Variants in DLGAP1 observed in about 807,000 individuals in gnomAD.
The protein encoded by DLGAP1 is DLG associated protein 1.
DLGAP1 carries 11 observed loss-of-function variants against 90.8 expected under a neutral mutation model. That is an observed-to-expected ratio of 0.12 (90% CI 0.08 to 0.20). The LOEUF (loss-of-function observed/expected upper bound fraction) is 0.20. DLGAP1 is among the 10% of genes least tolerant of loss of function. The pLI is 1.00. For synonymous variants in DLGAP1, 558 were observed against 540.7 expected, an observed-to-expected ratio of 1.03 and a Z score of -0.44; for missense variants, 1,050 against 1,333.8, an observed-to-expected ratio of 0.79 and a Z score of 3.31.
intron 7 of DLGAP1, among the ~76,000 whole-genome samples, chr18:3,715,697 T>G (rs1321139455): frequency 6.6e-6 from 1 of 152,198 alleles, no homozygotes; most frequent in Non-Finnish European, 1.5e-5. Flanking sequence ...CCATAATTGC[T>G]TGGGGAGTTT....
intron 7 of DLGAP1, among the ~76,000 whole-genome samples, chr18:3,624,711 A>G (rs1256104963): frequency 6.6e-6 from 1 of 152,184 alleles, no homozygotes; most frequent in African/African-American, 2.4e-5. Flanking sequence ...AAGAGGGAAA[A>G]CAGACTGAGC....
At position 3,659,394 on chromosome 18, in the gene DLGAP1, T is replaced by TATATACACACAC. The variant is rs1555618610; in HGVS notation, c.1591+69740_1591+69741insGTGTGTGTATAT. ...GGGTAAGCCGTAACACATACATTTA[T>TATATACACACAC]ACACACACACACACACACACACACA... On this transcript the variant is annotated intron_variant, in intron 7 of 12. Coordinates refer to ENST00000315677, the MANE Select transcript of DLGAP1 (RefSeq NM_004746.4). 7.8e-5 allele frequency among the ~76,000 whole-genome samples: 8 copies of TATATACACACAC among 102,172 alleles called. 1 individual carries two copies. Among genetic ancestry groups the TATATACACACAC allele is most frequent in the East Asian group, 6.1e-4 (2 of 3,258 alleles). The allele number at this position is 102,172 out of a possible 152,430, so 67.0% of individuals were successfully genotyped here.
intron 4 of DLGAP1, chr18:3,874,141 G>GTTA: frequency 3.9e-6 from 6 of 1,549,854 alleles, no homozygotes; most frequent in Non-Finnish European, 5.2e-6. Flanking sequence ...TAATAAAAGA[G>GTTA]TTATACCCAA....
At chr18:3,538,001 A>AG (rs2144571203) in intron 9 of DLGAP1, among the ~76,000 whole-genome samples, 1 of 152,354 alleles carries the variant, frequency 6.6e-6, no homozygotes, top group African/African-American at 2.4e-5. Context: ...ATTTTAAAAA[A>AG]CTATCCTGGA....
chr18:3,926,251 A>C (rs2072379251), intron 3 of DLGAP1, among the ~76,000 whole-genome samples: 2 of 152,182 alleles, frequency 1.3e-5, no homozygotes, highest in Admixed American at 6.5e-5. Context: ...TAGGATATTT[A>C]GCAGTATCCC....
At chr18:3,860,098 C>CAAAAAAAAAA (rs1169488386) in intron 4 of DLGAP1, among the ~76,000 whole-genome samples, 22 of 104,938 alleles carry the variant, frequency 2.1e-4, no homozygotes, top group African/African-American at 3.7e-4. Context: ...GACTCTGTCT[C>CAAAAAAAAAA]AAAAAATAAA....
rs532844849 is a variant in DLGAP1, at chr18:4,197,188, TAAAAAAAAAAAA to T, written c.-266-45913_-266-45902del. On this transcript the variant is annotated intron_variant, in intron 1 of 12. Coordinates refer to ENST00000315677, the MANE Select transcript of DLGAP1 (RefSeq NM_004746.4). ...ACTCTGTCTCAAATTTAAAAAAAAGTAAAAAAAAAAAAAAAAAAAAGAAAAAAAAAGAAAGAG... is the reference window on the plus strand; with the variant it reads ...ACTCTGTCTCAAATTTAAAAAAAAGTAAAAAAAAGAAAAAAAAAGAAAGAG... Among the ~76,000 whole-genome samples, 5 of 73,752 alleles carry T rather than the reference TAAAAAAAAAAAA, an allele frequency of 6.8e-5. No individual in the cohort carries two copies. The Admixed American group carries it at 8.4e-4, about 12-fold the overall frequency. The allele number at this position is 73,752 out of a possible 152,430, so 48.4% of individuals were successfully genotyped here. A position where few individuals can be genotyped will look rare whatever the true frequency, so the allele number is the denominator to read the frequency against.
At chr18:4,162,889 C>T (rs996816807) in intron 1 of DLGAP1, among the ~76,000 whole-genome samples, 3 of 150,992 alleles carry the variant, frequency 2.0e-5, no homozygotes, top group Admixed American at 6.6e-5. Flanking sequence ...TCAACGCACA[C>T]CATTATCTGA....
chr18:3,540,119 A>G (rs1177609499), intron 9 of DLGAP1, among the ~76,000 whole-genome samples: 1 of 152,150 alleles, frequency 6.6e-6, no homozygotes, highest in East Asian at 1.9e-4. Context: ...GTCTCATTAC[A>G]TAAAATAAAA....
intron 1 of DLGAP1, among the ~76,000 whole-genome samples, chr18:4,264,245 C>T (rs1479916585): frequency 6.6e-6 from 1 of 152,160 alleles, no homozygotes; most frequent in Non-Finnish European, 1.5e-5. Flanking sequence ...TCCATTTGCT[C>T]TAAACATTCC....
At chr18:3,626,218 G>A (rs1190325574) in intron 7 of DLGAP1, among the ~76,000 whole-genome samples, 1 of 151,314 alleles carries the variant, frequency 6.6e-6, no homozygotes, top group African/African-American at 2.4e-5. Flanking sequence ...ACTTTAGCCC[G>A]AGGTTGAGGC....
intron 3 of DLGAP1, among the ~76,000 whole-genome samples, chr18:3,929,398 T>G (rs1266475345): frequency 3.3e-5 from 5 of 152,132 alleles, no homozygotes; most frequent in African/African-American, 1.2e-4. Context: ...AGAAACAGAG[T>G]TAGGTCACTG....
chr18:4,028,781 A>C (rs2074745248), intron 2 of DLGAP1, among the ~76,000 whole-genome samples: 1 of 152,190 alleles, frequency 6.6e-6, no homozygotes, highest in Admixed American at 6.5e-5. Context: ...TTTTATTGTA[A>C]GCATTTGTGA....
At chr18:3,877,170 G>A (rs1410272228) in intron 4 of DLGAP1, among the ~76,000 whole-genome samples, 1 of 152,178 alleles carries the variant, frequency 6.6e-6, no homozygotes, top group Middle Eastern at 3.4e-3. Context: ...TAAGAAATGG[G>A]AACACATTTG....
intron 10 of DLGAP1, among the ~76,000 whole-genome samples, chr18:3,512,250 A>AT (rs770207487): frequency 6.6e-6 from 1 of 152,160 alleles, no homozygotes; most frequent in Non-Finnish European, 1.5e-5. Flanking sequence ...TAAGCCTTGT[A>AT]TTGCTGGGCA....
At chr18:4,428,969 C>A (rs567209622) in intron 1 of DLGAP1, among the ~76,000 whole-genome samples, 1 of 152,260 alleles carries the variant, frequency 6.6e-6, no homozygotes, top group Non-Finnish European at 1.5e-5. Flanking sequence ...GGCCATGCCA[C>A]GTCACTAGTG....
chr18:4,432,218 T>C (rs1161890283), intron 1 of DLGAP1, among the ~76,000 whole-genome samples: 1 of 152,186 alleles, frequency 6.6e-6, no homozygotes, highest in Admixed American at 6.5e-5. Context: ...ATGGTAGTAA[T>C]TGGCTAAAAT....
At chr18:3,954,904 A>G (rs2073054899) in intron 3 of DLGAP1, among the ~76,000 whole-genome samples, 1 of 152,214 alleles carries the variant, frequency 6.6e-6, no homozygotes, top group East Asian at 1.9e-4. Context: ...CTTACTTCAT[A>G]AAGTTGCAGC....
At chr18:4,075,270 A>C (rs1304742654) in intron 2 of DLGAP1, among the ~76,000 whole-genome samples, 1 of 152,180 alleles carries the variant, frequency 6.6e-6, no homozygotes, top group East Asian at 1.9e-4. Context: ...ATCTTCAAAC[A>C]CTTTAATACG....
Sources: gnomAD v4.1 joint callset for allele counts (sites outside exome capture counted in the v4.1 genomes callset) on GRCh38, gnomAD v4.1.1 for gene constraint, MANE v1.5 for transcripts, NCBI Gene and HGNC (gene_info 2026-07-23, HGNC 2026-07-21) for gene names.